Variants in ASPG observed in about 807,000 individuals in gnomAD.
ASPG encodes asparaginase, also known as 60 kDa lysophospholipase.
A neutral mutation model predicts 63.2 loss-of-function variants in ASPG; 53 were observed. That is an observed-to-expected ratio of 0.84 (90% CI 0.67 to 1.05). ASPG has a LOEUF of 1.05. Ranked by LOEUF, ASPG falls within the 50% of genes least tolerant of loss-of-function variation. The pLI is 0.00. For missense variants in ASPG, 741 were observed against 794.4 expected (o/e 0.93, Z 0.81); for synonymous variants, 370 against 355.0 (o/e 1.04, Z -0.48).
rs1272082061 is a variant in ASPG at position 104,107,281 on chromosome 14, G to A, written c.1369G>A (p.Gly457Ser). 1.2e-6 allele frequency: 2 copies of A among 1,608,556 alleles called. No homozygotes were observed. Among genetic ancestry groups the A allele is most frequent in the East Asian group, 2.2e-5 (1 of 44,794 alleles). The change falls in exon 12 of 16, where the codon GGT (glycine) becomes AGT (serine). Residue 457 changes from glycine to serine, a missense_variant. Coordinates refer to ENST00000551177, the MANE Select transcript of ASPG (RefSeq NM_001080464.3). ...TEAVTMLLQR[G>S]VDVNTRDTDG... Reference sequence around the variant, plus strand: ...GGCAGTCACCATGCTGCTGCAGAGAGGTGTGGACGTGAACACCCGGGACAC... The same window carrying A: ...GGCAGTCACCATGCTGCTGCAGAGAAGTGTGGACGTGAACACCCGGGACAC...
At chr14:104,106,987 T>C (rs1351358349) in intron 11 of ASPG, 93 bp downstream of exon 11, 3 of 1,369,590 alleles carry the variant, frequency 2.2e-6, no homozygotes, top group Non-Finnish European at 3.0e-6. Context: ...ATCCACCCAC[T>C]GACCACACTA....
At position 104,112,659 on chromosome 14, in the gene ASPG, C is replaced by A; in HGVS notation, c.*115C>A. 1 of 1,544,084 alleles carries A rather than the reference C, an allele frequency of 6.5e-7. No individual in the cohort carries two copies. On this transcript the variant is annotated 3_prime_UTR_variant, in exon 16 of 16. Transcript: ENST00000551177. ...TTCCCAGCCTGCTCTCATGTAAAGC[C>A]TGAAGGCCTTTGTTGGGCAGGACGG...
In ASPG at chr14:104,102,461, C is replaced by T. The variant is rs563318714; in HGVS notation, c.641-1102C>T. On this transcript the variant is annotated intron_variant, in intron 6 of 15. Transcript: ENST00000551177. ...CCTGCCCAGGTTCCTGTCCCAGCAC[C>T]GTGCCGGGCTCTCCAGGCGCCCAGG... Among the ~76,000 whole-genome samples, 13 of 152,270 alleles carry T rather than the reference C, an allele frequency of 8.5e-5. No individual in the cohort carries two copies. The East Asian group carries it at 1.4e-3, about 16-fold the overall frequency.
rs564614028 is a variant in ASPG, at chr14:104,085,748, A to C, written c.-23A>C. 4 of 1,560,086 alleles carry C rather than the reference A, an allele frequency of 2.6e-6. No homozygotes were observed. The African/African-American group carries it at 4.3e-5, about 17-fold the overall frequency. The stretch of plus-strand genomic sequence containing the variant: ...GCGTCCCCGCTGCACACCCCCGTCC[A>C]CTCCCGTGGTCCCCGGTCCGGCATG... On this transcript the variant is annotated 5_prime_UTR_variant, in exon 1 of 16. Transcript: ENST00000551177.
rs908571628 is a variant in ASPG, at chr14:104,110,441, T to G, written c.1521-1061T>G. The G allele has an allele frequency of 2.0e-6, 2 of 985,322 alleles. No homozygotes were observed. The highest frequency in any genetic ancestry group is 1.1e-4 in the East Asian group (1 of 8,796). 61.0% of individuals were successfully genotyped at this position (985,322 alleles called of 1,614,324 possible). ...TGGCTCCATTGACAGATGGGGAAAC[T>G]GAGGCAGTAGTCAGGTCCTGTGGGA... On this transcript the variant is annotated intron_variant, in intron 13 of 15. Coordinates refer to ENST00000551177, the MANE Select transcript of ASPG (RefSeq NM_001080464.3). The surrounding 1 kb of genome is among the most constrained non-coding windows in gnomAD (Gnocchi z 4.7).
At chr14:104,103,848 G>A (rs549277286) in intron 7 of ASPG, among the ~76,000 whole-genome samples, 173 bp downstream of exon 7, 3 of 152,358 alleles carry the variant, frequency 2.0e-5, no homozygotes, top group South Asian at 2.1e-4. Context: ...GTCCTCCGTC[G>A]TGGTGCTTTC....
chr14:104,097,950 AGAGATGCGTATGGAGGTTCTG>A (rs1566830206), intron 5 of ASPG, among the ~76,000 whole-genome samples: 27 of 128,622 alleles, frequency 2.1e-4, no homozygotes, highest in African/African-American at 5.3e-4. Context: ...GTTCTGTGTT[AGAGATGCGTATGGAGGTTCTG>A]CGTTAGAGAT....
chr14:104,099,951 G>T (rs1247719889), intron 6 of ASPG, among the ~76,000 whole-genome samples: 1 of 152,202 alleles, frequency 6.6e-6, no homozygotes, highest in Non-Finnish European at 1.5e-5. Flanking sequence ...CTGGGCGGGT[G>T]GGGTGGAGGC....
At chr14:104,108,255 G>A in intron 12 of ASPG, 1 of 185,952 alleles carries the variant, frequency 5.4e-6, no homozygotes, top group Non-Finnish European at 1.0e-5. Flanking sequence ...GTGGACAGGA[G>A]GGGGCGGGGC....
intron 4 of ASPG, among the ~76,000 whole-genome samples, chr14:104,095,963 G>A (rs1000076238): frequency 2.3e-4 from 35 of 152,138 alleles, no homozygotes; most frequent in African/African-American, 8.2e-4. Flanking sequence ...CTCTCCTCCC[G>A]ATGCTTCCTT....
rs746385588 is a variant in ASPG, at chr14:104,085,851, C to T, written c.81C>T (p.Gly27=). The change falls in exon 1 of 16, where the codon GGC becomes GGT. Residue 27 remains glycine, a splice_region_variant and synonymous_variant. Coordinates refer to ENST00000551177, the MANE Select transcript of ASPG (RefSeq NM_001080464.3). The part of the protein sequence containing the change: ...GGTIGMRSEL[G]VLVPGTGLAA... ...CCATTGGCATGCGGAGTGAGCTCGG[C>T]GGTGAGTCCGAGACCCTGGGCGGGG... 1.9e-5 allele frequency: 30 copies of T among 1,583,668 alleles called. No individual in the cohort carries two copies. The Middle Eastern group carries it at 6.7e-4, about 35-fold the overall frequency.
rs8021853 is a variant in ASPG at position 104,110,374 on chromosome 14, C to G, written c.1520+1059C>G. On this transcript the variant is annotated intron_variant, in intron 13 of 15. Transcript: ENST00000551177. The surrounding 1 kb of genome is among the most constrained non-coding windows in gnomAD (Gnocchi z 4.7). ...CTGGTCTTGCTTTTGAAGGGACTTC[C>G]GGGGTGACTTGGTCAAGATTTGCAC... The G allele has an allele frequency of 1.0e-6, 1 of 985,188 alleles. No individual in the cohort carries two copies. Among genetic ancestry groups the G allele is most frequent in the Non-Finnish European group, 1.2e-6 (1 of 829,902 alleles). The allele number at this position is 985,188 out of a possible 1,614,324, so 61.0% of individuals were successfully genotyped here.
intron 4 of ASPG, among the ~76,000 whole-genome samples, chr14:104,097,085 A>G (rs1390334037): frequency 1.3e-5 from 2 of 151,756 alleles, no homozygotes; most frequent in Non-Finnish European, 2.9e-5. Flanking sequence ...TCCAGCCCAT[A>G]GTTCTGCTGG....
At chr14:104,102,419 C>T (rs912348680) in intron 6 of ASPG, among the ~76,000 whole-genome samples, 2 of 152,126 alleles carry the variant, frequency 1.3e-5, no homozygotes, top group African/African-American at 2.4e-5. Flanking sequence ...GGAGGAAGAG[C>T]CCTGTGCGGG....
intron 3 of ASPG, among the ~76,000 whole-genome samples, chr14:104,094,450 A>AC (rs199866068): frequency 1.4e-5 from 2 of 147,604 alleles, no homozygotes; most frequent in African/African-American, 2.5e-5. Context: ...AGGCAGAACC[A>AC]CCCCCCGCCC....
At position 104,092,718 on chromosome 14, in the gene ASPG, C is replaced by T. The variant is rs1422427041; in HGVS notation, c.168C>T (p.Leu56=). 6.5e-7 allele frequency: 1 copy of T among 1,536,714 alleles called. No homozygotes were observed. The highest frequency in any genetic ancestry group is 1.4e-5 in the African/African-American group (1 of 73,024). The change falls in exon 2 of 16, where the codon CTC becomes CTT. Residue 56 remains leucine (L), a synonymous_variant. Transcript: ENST00000551177. ...HDEEHARARG[L]SEDTLVLPPA... is the part of the protein sequence containing the mutation. ...AGGAGCACGCCCGAGCCCGCGGCCT[C>T]TCTGAGGACACCCTGGTGCTACCGT...
At position 104,109,211 on chromosome 14, in the gene ASPG, A is replaced by T; in HGVS notation, c.1434-18A>T. The T allele has an allele frequency of 6.2e-7, 1 of 1,612,356 alleles. No individual in the cohort carries two copies. Among genetic ancestry groups the T allele is most frequent in the Non-Finnish European group, 8.5e-7 (1 of 1,179,454 alleles). The stretch of plus-strand genomic sequence containing the variant: ...GGGCTGGCCAGGGCAGAAGGTCAGC[A>T]TGCTCATTCTCACACAGGCATCCGG... On this transcript the variant is annotated intron_variant, in intron 12 of 15. Coordinates refer to ENST00000551177, the MANE Select transcript of ASPG (RefSeq NM_001080464.3). The surrounding 1 kb of genome is among the most constrained non-coding windows in gnomAD (Gnocchi z 4.8).
At chr14:104,111,172 C>A (rs1314312611) in intron 13 of ASPG, 1 of 984,948 alleles carries the variant, frequency 1.0e-6, no homozygotes, top group Non-Finnish European at 1.2e-6. Flanking sequence ...CACATATGCT[C>A]GTGTGTGTGT....
chr14:104,099,556 G>T (rs1382405953), intron 6 of ASPG, among the ~76,000 whole-genome samples: 1 of 152,194 alleles, frequency 6.6e-6, no homozygotes, highest in Non-Finnish European at 1.5e-5. Flanking sequence ...CCAGTGGCCT[G>T]CCCGGAAGTC....
Sources: allele counts gnomAD v4.1 joint callset (sites outside exome capture counted in the v4.1 genomes callset), GRCh38; gene constraint gnomAD v4.1.1; non-coding constraint Gnocchi (gnomAD v3.1); transcripts MANE v1.5; gene names NCBI Gene and HGNC (gene_info 2026-07-23, HGNC 2026-07-21).